Variants in DLGAP4 observed in about 807,000 individuals in gnomAD.
DLGAP4 encodes the protein disks large-associated protein 4.
DLGAP4 carries 18 observed loss-of-function variants against 86.9 expected under a neutral mutation model. The observed-to-expected ratio is 0.21, with a 90% CI of 0.14 to 0.31. DLGAP4 has a LOEUF of 0.31. Ranked by LOEUF, DLGAP4 falls within the 10% of genes least tolerant of loss-of-function variation. The probability of loss-of-function intolerance (pLI) is 1.00; values close to 1 mark genes in which losing one functional copy is unlikely to be tolerated. For synonymous variants in DLGAP4, 548 were observed against 574.3 expected (o/e 0.95, Z 0.65); for missense variants, 1,085 against 1,362.6 (o/e 0.80, Z 3.21).
At chr20:36,403,802 G>A (rs1036001515) in intron 2 of DLGAP4, among the ~76,000 whole-genome samples, 3 of 152,232 alleles carry the variant, frequency 2.0e-5, no homozygotes, top group African/African-American at 7.2e-5. Flanking sequence ...CAGGATGTCA[G>A]CTAGGGCTGC....
intron 1 of DLGAP4, among the ~76,000 whole-genome samples, chr20:36,354,090 C>T (rs2147393054): frequency 6.6e-6 from 1 of 152,304 alleles, no homozygotes; most frequent in Admixed American, 6.5e-5. Context: ...GAGTTCTGTG[C>T]CGGCCGGCCT....
At chr20:36,456,633 C>T (rs1445692279) in intron 7 of DLGAP4, among the ~76,000 whole-genome samples, 1 of 152,234 alleles carries the variant, frequency 6.6e-6, no homozygotes, top group East Asian at 1.9e-4. Flanking sequence ...TGGGGTCCAC[C>T]AACCCTTGGA....
At chr20:36,325,631 C>T (rs1555890951) in intron 1 of DLGAP4, among the ~76,000 whole-genome samples, 2 of 152,002 alleles carry the variant, frequency 1.3e-5, no homozygotes, top group African/African-American at 4.8e-5. Context: ...CTTTGTTATT[C>T]AATACATACA....
intron 1 of DLGAP4, among the ~76,000 whole-genome samples, chr20:36,325,405 GA>G (rs1164475755): frequency 2.6e-5 from 4 of 152,288 alleles, no homozygotes; most frequent in Admixed American, 2.6e-4. Flanking sequence ...AATGTTCCAT[GA>G]AAAGAGTATG....
At chr20:36,494,994 T>TG (rs1294659095) in intron 7 of DLGAP4, among the ~76,000 whole-genome samples, 2 of 139,298 alleles carry the variant, frequency 1.4e-5, no homozygotes, top group East Asian at 2.1e-4. Context: ...GTTTTTTTTT[T>TG]TTTTTTTTTT....
At chr20:36,493,954 C>T (rs1600647366) in intron 7 of DLGAP4, among the ~76,000 whole-genome samples, 2 of 152,210 alleles carry the variant, frequency 1.3e-5, no homozygotes. Flanking sequence ...TGCTCCTCTT[C>T]GCTGAGCAGG....
At chr20:36,390,397 C>T (rs1337674743) in intron 2 of DLGAP4, among the ~76,000 whole-genome samples, 1 of 152,196 alleles carries the variant, frequency 6.6e-6, no homozygotes, top group African/African-American at 2.4e-5. Flanking sequence ...AAACCCAAGC[C>T]TTCTGCCTCT....
At chr20:36,475,453 C>T (rs1042357792) in intron 7 of DLGAP4, among the ~76,000 whole-genome samples, 2 of 152,170 alleles carry the variant, frequency 1.3e-5, no homozygotes, top group Non-Finnish European at 2.9e-5. Flanking sequence ...TTGTGATCCG[C>T]CCGCCTCGGC....
chr20:36,428,259 C>G (rs2033034588), intron 2 of DLGAP4, among the ~76,000 whole-genome samples: 1 of 152,168 alleles, frequency 6.6e-6, no homozygotes, highest in Non-Finnish European at 1.5e-5. Context: ...ATTAATTAAA[C>G]TTTTTAAAAA....
intron 10 of DLGAP4, among the ~76,000 whole-genome samples, chr20:36,508,509 C>T (rs2036515928): frequency 6.6e-6 from 1 of 151,214 alleles, no homozygotes; most frequent in African/African-American, 2.4e-5. Context: ...TCACCGCAAC[C>T]TCCACCTCCC....
chr20:36,360,728 G>A (rs1329876405), intron 1 of DLGAP4, among the ~76,000 whole-genome samples: 3 of 151,878 alleles, frequency 2.0e-5, no homozygotes, highest in Non-Finnish European at 4.4e-5. Context: ...CCTCAGTGGG[G>A]CGGGGCCTGA....
intron 7 of DLGAP4, among the ~76,000 whole-genome samples, chr20:36,476,623 C>G (rs1010800356): frequency 2.0e-5 from 3 of 149,682 alleles, no homozygotes; most frequent in African/African-American, 7.4e-5. Flanking sequence ...GCCACCGCAC[C>G]TGGCCAGCAA....
rs1279702349 is a variant in DLGAP4 at position 36,409,409 on chromosome 20, T to A, written c.-72-22237T>A. Among the ~76,000 whole-genome samples the A allele has an allele frequency of 5.7e-4, 53 of 93,804 alleles. 1 individual carries two copies. The highest frequency in any genetic ancestry group is 1.0e-4 in the Non-Finnish European group (5 of 50,006). 61.5% of individuals were successfully genotyped at this position (93,804 alleles called of 152,430 possible). A position where few individuals can be genotyped will look rare whatever the true frequency, so the allele number is the denominator to read the frequency against. On this transcript the variant is annotated intron_variant, in intron 2 of 12. Coordinates refer to ENST00000339266, the MANE Select transcript of DLGAP4 (RefSeq NM_001365621.2). Reference sequence around the variant, plus strand: ...AAATTTTTTTAAGACTTTTTTTTTTTAACTCTTTTTTTTTTTTTTTTAACT... The same window carrying A: ...AAATTTTTTTAAGACTTTTTTTTTTAAACTCTTTTTTTTTTTTTTTTAACT...
chr20:36,350,837 C>T lies in DLGAP4; in HGVS notation c.-303-16208C>T, dbSNP rs1466206982. Among the ~76,000 whole-genome samples the T allele has an allele frequency of 2.0e-5, 3 of 152,246 alleles. No individual in the cohort carries two copies. The highest frequency in any genetic ancestry group is 7.2e-5 in the African/African-American group (3 of 41,470). Reference sequence around the variant, plus strand: ...TCCTTCCCCAGTGGGCTGTGGGCCTCTGCTGCCCCAGAGGCTGCTTGTGAT... The same window carrying T: ...TCCTTCCCCAGTGGGCTGTGGGCCTTTGCTGCCCCAGAGGCTGCTTGTGAT... On this transcript the variant is annotated intron_variant, in intron 1 of 12. Coordinates refer to ENST00000339266, the MANE Select transcript of DLGAP4 (RefSeq NM_001365621.2). This position sits in a 1 kb window ranked among gnomAD's most constrained non-coding sequence, Gnocchi z 4.4.
intron 1 of DLGAP4, among the ~76,000 whole-genome samples, chr20:36,320,157 GTCTTTCTCTCCCAGGCC>G (rs1555890391): frequency 2.7e-5 from 2 of 74,872 alleles, no homozygotes; most frequent in African/African-American, 1.2e-4. Flanking sequence ...CCCCCTCTGT[GTCTTTCTCTCCCAGGCC>G]CCCCTCTGTG....
At chr20:36,462,519 T>G (rs1280931133) in intron 7 of DLGAP4, 1 of 1,598,156 alleles carries the variant, frequency 6.3e-7, no homozygotes. Flanking sequence ...TCCCTCTCCC[T>G]TTTTCTGTCT....
At chr20:36,384,126 CTT>C (rs2031510823) in intron 2 of DLGAP4, among the ~76,000 whole-genome samples, 1 of 151,618 alleles carries the variant, frequency 6.6e-6, no homozygotes, top group Non-Finnish European at 1.5e-5. Flanking sequence ...GATTTTGACA[CTT>C]TGACCTTTGA....
chr20:36,524,404 G>A lies in DLGAP4; in HGVS notation c.2604+63G>A, dbSNP rs536573783. ...AGCCTTTGGCTGCCCACTATACTCT[G>A]CCAGCCCCTCGAAGCCTCTGTGCCC... On this transcript the variant is annotated intron_variant, in intron 11 of 12. Transcript: ENST00000339266. 3 of 1,437,864 alleles carry A rather than the reference G, an allele frequency of 2.1e-6. No individual in the cohort carries two copies. The South Asian group carries it at 3.8e-5, about 18-fold the overall frequency. The allele number at this position is 1,437,864 out of a possible 1,614,324, so 89.1% of individuals were successfully genotyped here.
chr20:36,353,024 T>A (rs1480770079), intron 1 of DLGAP4, among the ~76,000 whole-genome samples: 1 of 152,202 alleles, frequency 6.6e-6, no homozygotes, highest in East Asian at 1.9e-4. Context: ...GCCTTGCTAA[T>A]GCACCTGCCC....
Sources: gnomAD v4.1 joint callset for allele counts (sites outside exome capture counted in the v4.1 genomes callset) on GRCh38, gnomAD v4.1.1 for gene constraint, Gnocchi (gnomAD v3.1) non-coding constraint, MANE v1.5 for transcripts, NCBI Gene and HGNC (gene_info 2026-07-23, HGNC 2026-07-21) for gene names.